DSCAM: variants seen among roughly 807,000 people sequenced by gnomAD.
DSCAM encodes the protein cell adhesion molecule DSCAM.
Under a neutral mutation model 217.7 loss-of-function variants are expected in DSCAM, and 47 were observed. That is an observed-to-expected ratio of 0.22 (90% CI 0.17 to 0.28). The LOEUF (loss-of-function observed/expected upper bound fraction) is 0.28, where lower values mean the gene tolerates loss of function less well. DSCAM is among the 10% of genes least tolerant of loss of function. The pLI is 1.00. For synonymous variants in DSCAM, 1,056 were observed against 1,015.3 expected (o/e 1.04, Z -0.76); for missense variants, 2,080 against 2,618.3 (o/e 0.79, Z 4.49).
intron 1 of DSCAM, among the ~76,000 whole-genome samples, chr21:40,786,603 A>T (rs992738748): frequency 6.6e-6 from 1 of 152,190 alleles, no homozygotes; most frequent in Admixed American, 6.5e-5. Context: ...TGCAGGGGAC[A>T]TGGCATCTTC....
intron 32 of DSCAM, among the ~76,000 whole-genome samples, chr21:40,017,569 T>C (rs865811825): frequency 0.024 from 3,626 of 152,186 alleles, 135 homozygotes; most frequent in African/African-American, 0.082. Context: ...ATAACATTTT[T>C]TTTTTTTTTG....
rs757997257 is a variant in DSCAM at position 40,258,837 on chromosome 21, AAC to A, written c.2356+17258_2356+17259del. ...TCTAAGTTGCTAGCCAATCGAGACA[AAC>A]ACAGAATGTGAGGTCCCGTTCCAGC... On this transcript the variant is annotated intron_variant, in intron 11 of 32. Transcript: ENST00000400454. 5.3e-5 allele frequency among the ~76,000 whole-genome samples: 8 copies of A among 152,348 alleles called. No individual in the cohort carries two copies. In the East Asian group the frequency reaches 1.5e-3, roughly 29 times the overall value.
intron 5 of DSCAM, among the ~76,000 whole-genome samples, chr21:40,351,081 A>C (rs558144166): frequency 6.6e-6 from 1 of 151,872 alleles, no homozygotes; most frequent in Non-Finnish European, 1.5e-5. Context: ...TCACTAGGTC[A>C]TAGGTCTTTT....
intron 3 of DSCAM, among the ~76,000 whole-genome samples, chr21:40,381,035 C>T (rs2075016694): frequency 7.7e-6 from 1 of 129,654 alleles, no homozygotes. Context: ...TGCACTCCAG[C>T]CTGGGCGACA....
At chr21:40,425,137 C>G (rs913092647) in intron 3 of DSCAM, among the ~76,000 whole-genome samples, 1 of 152,106 alleles carries the variant, frequency 6.6e-6, no homozygotes, top group Non-Finnish European at 1.5e-5. Flanking sequence ...TAATCTCTTA[C>G]AGTTATTGAG....
intron 3 of DSCAM, among the ~76,000 whole-genome samples, chr21:40,496,160 GA>G (rs1177751316): frequency 3.3e-5 from 5 of 151,938 alleles, no homozygotes; most frequent in African/African-American, 1.2e-4. Context: ...CAAAGAAATA[GA>G]AAAAAATTAG....
At chr21:40,450,649 T>C (rs1601653531) in intron 3 of DSCAM, among the ~76,000 whole-genome samples, 1 of 152,366 alleles carries the variant, frequency 6.6e-6, no homozygotes, top group East Asian at 1.9e-4. Context: ...GATTTTTATC[T>C]TTCATAGGCA....
At chr21:40,121,995 C>G (rs920969669) in intron 20 of DSCAM, among the ~76,000 whole-genome samples, 1 of 152,070 alleles carries the variant, frequency 6.6e-6, no homozygotes, top group Non-Finnish European at 1.5e-5. Context: ...CTTGCTGGCC[C>G]TCATTACTGT....
At chr21:40,266,097 T>TTA in intron 11 of DSCAM, among the ~76,000 whole-genome samples, 1 of 152,220 alleles carries the variant, frequency 6.6e-6, no homozygotes, top group Non-Finnish European at 1.5e-5. Flanking sequence ...TATTTGAAAA[T>TTA]TATGCATCCG....
At chr21:40,563,178 CAACT>C (rs973454752) in intron 3 of DSCAM, among the ~76,000 whole-genome samples, 14 of 151,874 alleles carry the variant, frequency 9.2e-5, no homozygotes, top group African/African-American at 1.9e-4. Flanking sequence ...ACAGGTCAAC[CAACT>C]GTCTTGGTTT....
At chr21:40,679,433 T>C (rs2090375815) in intron 3 of DSCAM, among the ~76,000 whole-genome samples, 1 of 152,192 alleles carries the variant, frequency 6.6e-6, no homozygotes, top group African/African-American at 2.4e-5. Flanking sequence ...AGAAAGGACC[T>C]TGGGTCACTT....
intron 11 of DSCAM, among the ~76,000 whole-genome samples, chr21:40,199,768 C>T (rs891273855): frequency 5.3e-5 from 8 of 152,008 alleles, no homozygotes; most frequent in Non-Finnish European, 1.2e-4. Context: ...CGCACCGGGG[C>T]CTGTCGGTGG....
Position 40,411,757 on chromosome 21 carries a change from T to C in DSCAM, c.509-42512A>G, listed in dbSNP as rs538841034. Among the ~76,000 whole-genome samples, 10 of 152,228 alleles carry C rather than the reference T, an allele frequency of 6.6e-5. 1 individual carries two copies. Among genetic ancestry groups the C allele is most frequent in the African/African-American group, 2.2e-4 (9 of 41,516 alleles). ...AAATACGAGATGCCACTGAAGATCT[T>C]CCAGATATTAGAATAATAAGAGAAT... On this transcript the variant is annotated intron_variant, in intron 3 of 32. Coordinates refer to ENST00000400454, the MANE Select transcript of DSCAM (RefSeq NM_001389.5).
chr21:40,284,614 T>C (rs557077919), intron 10 of DSCAM, among the ~76,000 whole-genome samples: 1 of 152,374 alleles, frequency 6.6e-6, no homozygotes, highest in East Asian at 1.9e-4. Flanking sequence ...ATCAGGTTTA[T>C]GGCTGCCTGT....
chr21:40,298,988 C>A (rs1048365089), intron 9 of DSCAM, among the ~76,000 whole-genome samples: 34 of 151,872 alleles, frequency 2.2e-4, no homozygotes, highest in Non-Finnish European at 4.7e-4. Flanking sequence ...GAATAATTAC[C>A]CCGTATCATT....
chr21:40,534,569 T>C (rs555015342), intron 3 of DSCAM, among the ~76,000 whole-genome samples: 319 of 152,140 alleles, frequency 2.1e-3, no homozygotes, highest in Non-Finnish European at 4.1e-3. Context: ...CCCAGAACTC[T>C]TGCTTCACTC....
At chr21:40,802,309 T>C (rs1337503043) in intron 1 of DSCAM, among the ~76,000 whole-genome samples, 2 of 152,240 alleles carry the variant, frequency 1.3e-5, no homozygotes, top group Non-Finnish European at 2.9e-5. Context: ...AATAGAAATC[T>C]GTGAGTCTTT....
intron 19 of DSCAM, among the ~76,000 whole-genome samples, chr21:40,130,173 C>T (rs2090140337): frequency 6.6e-6 from 1 of 152,192 alleles, no homozygotes; most frequent in African/African-American, 2.4e-5. Context: ...GTGAAAACAG[C>T]AATTGGAAGA....
At chr21:40,353,888 A>G in intron 4 of DSCAM, 145 bp from the exon 5 acceptor site, 1 of 765,820 alleles carries the variant, frequency 1.3e-6, no homozygotes, top group Non-Finnish European at 1.9e-6. Context: ...GTGAACAGAA[A>G]AAGAAGTGCC....
Sources: gnomAD v4.1 joint callset for allele counts (sites outside exome capture counted in the v4.1 genomes callset) on GRCh38, gnomAD v4.1.1 for gene constraint, MANE v1.5 for transcripts, NCBI Gene and HGNC (gene_info 2026-07-23, HGNC 2026-07-21) for gene names.